GLIS1: variants seen among roughly 807,000 people sequenced by gnomAD.
GLIS1 encodes the protein zinc finger protein GLIS1.
A neutral mutation model predicts 63.8 loss-of-function variants in GLIS1; 24 were observed. The ratio of observed to expected loss-of-function variants is 0.38; its 90% CI spans 0.27 to 0.53. GLIS1 has a LOEUF of 0.53. Among genes scored for constraint, GLIS1 ranks in the 20% least tolerant of loss-of-function variants. GLIS1 has a pLI of 0.85. For missense variants in GLIS1, 1,036 were observed against 1,074.1 expected, an observed-to-expected ratio of 0.96 and a Z score of 0.50; for synonymous variants, 450 against 482.5, an observed-to-expected ratio of 0.93 and a Z score of 0.88.
chr1:53,602,328 C>T (rs989085395), intron 2 of GLIS1, among the ~76,000 whole-genome samples: 51 of 152,104 alleles, frequency 3.4e-4, no homozygotes, highest in African/African-American at 1.2e-3. Flanking sequence ...ATTTTATTGT[C>T]CCATTGAGGC....
chr1:53,674,911 T>C (rs1201382136), intron 2 of GLIS1, among the ~76,000 whole-genome samples: 2 of 152,118 alleles, frequency 1.3e-5, no homozygotes, highest in East Asian at 3.9e-4. Context: ...AAGCCTGGCA[T>C]GCAGGCTGCT....
chr1:53,603,497 G>C (rs1569901850), intron 2 of GLIS1, among the ~76,000 whole-genome samples: 1 of 152,208 alleles, frequency 6.6e-6, no homozygotes, highest in Non-Finnish European at 1.5e-5. Context: ...AAGATGCGGG[G>C]ACTCTCATCG....
intron 3 of GLIS1, among the ~76,000 whole-genome samples, chr1:53,595,658 T>A (rs1419029493): frequency 6.6e-6 from 1 of 152,196 alleles, no homozygotes; most frequent in Non-Finnish European, 1.5e-5. Context: ...GAGGCTGGCA[T>A]TTTGAGGAAC....
chr1:53,738,479 C>T (rs1194808738), intron 1 of GLIS1, among the ~76,000 whole-genome samples: 1 of 152,198 alleles, frequency 6.6e-6, no homozygotes, highest in Non-Finnish European at 1.5e-5. Context: ...GAGCCGGCGG[C>T]AACGAGGATT....
At chr1:53,551,366 G>A (rs1426880928) in intron 4 of GLIS1, among the ~76,000 whole-genome samples, 1 of 152,188 alleles carries the variant, frequency 6.6e-6, no homozygotes, top group Non-Finnish European at 1.5e-5. Flanking sequence ...AAACTGTGGT[G>A]GCCCATCTGC....
intron 2 of GLIS1, among the ~76,000 whole-genome samples, chr1:53,648,608 T>C (rs1220144821): frequency 2.6e-5 from 4 of 152,124 alleles, no homozygotes; most frequent in Non-Finnish European, 5.9e-5. Flanking sequence ...ACACAAATGC[T>C]CGACAGCAGT....
At position 53,594,898 on chromosome 1, in the gene GLIS1, G is replaced by A; in HGVS notation, c.530C>T (p.Ala177Val). 1 of 1,528,518 alleles carries A rather than the reference G, an allele frequency of 6.5e-7. No homozygotes were observed. 94.7% of individuals were successfully genotyped at this position (1,528,518 alleles called of 1,614,324 possible). ...GGCAGACAGGGATGTGCGGGCCTCTGCCATGGCTTGGTAGTCGGGCAAGGA... is the reference window on the plus strand; with the variant it reads ...GGCAGACAGGGATGTGCGGGCCTCTACCATGGCTTGGTAGTCGGGCAAGGA... ...QESLPDYQAM[A>V]EARTSLSAHC... is the part of the protein sequence containing the mutation. Residue 177 changes from alanine to valine, a missense_variant, in exon 4 of 11, where the codon GCA (alanine) becomes GTA (valine). Physicochemically the swap from Ala to Val is moderately conservative, Grantham distance 64 (BLOSUM62 0). This residue lies in a region of GLIS1 where 592 missense variants were observed against 593.9 expected (regional missense o/e 1.00). Transcript: ENST00000628545.
chr1:53,677,881 G>A (rs1191968687), intron 2 of GLIS1, among the ~76,000 whole-genome samples: 2 of 152,166 alleles, frequency 1.3e-5, no homozygotes, highest in African/African-American at 4.8e-5. Context: ...TCACTGCTGC[G>A]AGGCCTCCAA....
At chr1:53,636,194 A>G (rs1014732933) in intron 2 of GLIS1, among the ~76,000 whole-genome samples, 19 of 152,330 alleles carry the variant, frequency 1.2e-4, no homozygotes, top group Admixed American at 1.1e-3. Flanking sequence ...AAAAATTCTA[A>G]ATAAAATATT....
At chr1:53,633,390 AATGAGTGTGACTGAGGGGTGTGTGT>A (rs1645689417) in intron 2 of GLIS1, among the ~76,000 whole-genome samples, 1 of 112,286 alleles carries the variant, frequency 8.9e-6, no homozygotes, top group African/African-American at 3.5e-5. Flanking sequence ...GGGGCTTGTG[AATGAGTGTGACTGAGGGGTGTGTGT>A]ATGAGTGTGA....
chr1:53,690,173 A>T (rs1646386737), intron 2 of GLIS1, among the ~76,000 whole-genome samples: 1 of 152,218 alleles, frequency 6.6e-6, no homozygotes, highest in South Asian at 2.1e-4. Context: ...GGAATCAAAC[A>T]TCAACCACAT....
At chr1:53,652,608 C>T (rs1189606443) in intron 2 of GLIS1, among the ~76,000 whole-genome samples, 1 of 152,172 alleles carries the variant, frequency 6.6e-6, no homozygotes, top group Non-Finnish European at 1.5e-5. Context: ...TCCTCAGTGC[C>T]CAGCCAGGCT....
intron 4 of GLIS1, among the ~76,000 whole-genome samples, chr1:53,530,481 T>C (rs1176591207): frequency 2.0e-5 from 3 of 152,162 alleles, no homozygotes; most frequent in African/African-American, 7.2e-5. Context: ...GGGTAGGACA[T>C]TGAATGTCAT....
At chr1:53,736,032 GCCTCAGTTT>G (rs1402665751) in intron 2 of GLIS1, among the ~76,000 whole-genome samples, 1 of 152,072 alleles carries the variant, frequency 6.6e-6, no homozygotes, top group Non-Finnish European at 1.5e-5. Flanking sequence ...CCACCTTCAG[GCCTCAGTTT>G]CCTCACCCTT....
chr1:53,573,931 GAC>G (rs1355350271), intron 4 of GLIS1, among the ~76,000 whole-genome samples: 1 of 152,218 alleles, frequency 6.6e-6, no homozygotes. Flanking sequence ...AGCATAAACA[GAC>G]ACTCAGGGCA....
intron 4 of GLIS1, among the ~76,000 whole-genome samples, chr1:53,592,834 C>G (rs769114464): frequency 6.6e-6 from 1 of 152,266 alleles, no homozygotes; most frequent in Non-Finnish European, 1.5e-5. Flanking sequence ...TCTTTCTCCT[C>G]CTTCAAGACC....
At chr1:53,555,471 G>A (rs525568) in intron 4 of GLIS1, among the ~76,000 whole-genome samples, 85,139 of 151,696 alleles carry the variant, frequency 0.56, 26,531 homozygotes, top group African/African-American at 0.83. Context: ...CAGAGGTTAC[G>A]GTGAGCCAAG....
In GLIS1 at chr1:53,506,702, C is replaced by T. The variant is rs376335379; in HGVS notation, c.2305G>A (p.Gly769Ser). ...QQPSEDVVSS[G>S]PEDCGFFPNG... ...GGGAAGAAGCCACAGTCCTCGGGGC[C>T]GCTGGACACCACATCTTCAGATGGC... The change falls in exon 11 of 11, where the codon GGC (glycine) becomes AGC (serine). Residue 769 changes from glycine (G) to serine (S), a missense_variant. By Grantham distance (56) the Gly-to-Ser change is moderately conservative. This residue lies in a region of GLIS1 where 400 missense variants were observed against 400.9 expected (regional missense o/e 1.00). Transcript: ENST00000628545. 3.2e-5 allele frequency: 52 copies of T among 1,613,276 alleles called. No individual in the cohort carries two copies. Among genetic ancestry groups the T allele is most frequent in the Admixed American group, 6.7e-5 (4 of 60,000 alleles).
At chr1:53,591,498 G>A (rs1187349679) in intron 4 of GLIS1, among the ~76,000 whole-genome samples, 1 of 152,254 alleles carries the variant, frequency 6.6e-6, no homozygotes, top group Non-Finnish European at 1.5e-5. Flanking sequence ...GTTACTAGCT[G>A]TGTAACCCTT....
Sources: gnomAD v4.1 joint callset for allele counts (sites outside exome capture counted in the v4.1 genomes callset) on GRCh38, gnomAD v4.1.1 for gene constraint, gnomAD v4.1.1 regional missense constraint, MANE v1.5 for transcripts, NCBI Gene and HGNC (gene_info 2026-07-23, HGNC 2026-07-21) for gene names.